Variants in SRPK1 observed in about 807,000 individuals in gnomAD.
SRPK1 encodes the protein SFRS protein kinase 1.
SRPK1 carries 52 observed loss-of-function variants against 89.5 expected under a neutral mutation model. The ratio of observed to expected loss-of-function variants is 0.58; its 90% confidence interval spans 0.46 to 0.73. SRPK1 has a LOEUF of 0.73. Among genes scored for constraint, SRPK1 ranks in the 30% least tolerant of loss-of-function variants. The probability of loss-of-function intolerance (pLI) is 0.00; values close to 1 mark genes in which losing one functional copy is unlikely to be tolerated. For missense variants in SRPK1, 603 were observed against 780.6 expected, an observed-to-expected ratio of 0.77 and a Z score of 2.71; for synonymous variants, 255 against 270.2, an observed-to-expected ratio of 0.94 and a Z score of 0.55.
At chr6:35,899,721 G>A (rs1303525051) in intron 2 of SRPK1, among the ~76,000 whole-genome samples, 4 of 152,140 alleles carry the variant, frequency 2.6e-5, no homozygotes, top group African/African-American at 4.8e-5. Flanking sequence ...TTCCTTTGGG[G>A]CCGGGCACGG....
chr6:35,867,480 T>C (rs2127243106), intron 12 of SRPK1, among the ~76,000 whole-genome samples: 2 of 152,330 alleles, frequency 1.3e-5, no homozygotes, highest in South Asian at 4.1e-4. Context: ...CTGTCATTTA[T>C]GTGTGAATCA....
chr6:35,869,217 T>C, intron 11 of SRPK1, 107 bp from the exon 12 acceptor site: 2 of 989,140 alleles, frequency 2.0e-6, no homozygotes, highest in Non-Finnish European at 3.0e-6. Context: ...AATACCCAAG[T>C]GACAACTTAC....
chr6:35,890,747 T>C lies in SRPK1; in HGVS notation c.193+148A>G, dbSNP rs1023008697. ...TAGGCTTTGATAAATTAAGTCAGAC[T>C]AAGAACAAATACTATTTCCTATGTT... On this transcript the variant is annotated intron_variant, in intron 3 of 15. Coordinates refer to ENST00000373825, the MANE Select transcript of SRPK1 (RefSeq NM_003137.5). 9.7e-6 allele frequency: 6 copies of C among 621,614 alleles called. 1 individual carries two copies. The Admixed American group carries it at 2.5e-4, about 26-fold the overall frequency. 38.5% of individuals were successfully genotyped at this position (621,614 alleles called of 1,614,324 possible). A position where few individuals can be genotyped will look rare whatever the true frequency, so the allele number is the denominator to read the frequency against.
intron 2 of SRPK1, among the ~76,000 whole-genome samples, chr6:35,898,859 A>C (rs1770681610): frequency 6.6e-6 from 1 of 152,102 alleles, no homozygotes; most frequent in Non-Finnish European, 1.5e-5. Flanking sequence ...CAAAACAAAA[A>C]TGTCAACAAA....
At chr6:35,906,662 G>A (rs1446028197) in intron 2 of SRPK1, among the ~76,000 whole-genome samples, 4 of 152,228 alleles carry the variant, frequency 2.6e-5, no homozygotes, top group Non-Finnish European at 4.4e-5. Context: ...GTGAGGCAGT[G>A]TCGGGAGTCA....
At chr6:35,894,365 A>G (rs368839363) in intron 2 of SRPK1, among the ~76,000 whole-genome samples, 160 of 152,286 alleles carry the variant, frequency 1.1e-3, no homozygotes, top group African/African-American at 3.6e-3. Flanking sequence ...TGTAGGGGGG[A>G]AAAATGCCCA....
chr6:35,859,918 G>A lies in SRPK1; in HGVS notation c.1513-2550C>T, dbSNP rs779568134. On this transcript the variant is annotated intron_variant, in intron 12 of 15. Transcript: ENST00000373825. ...CTGTCACCCAGGCTGGAGTGCAGTG[G>A]TGCGATCTTGGCTCACTGCAAGCTC... Among the ~76,000 whole-genome samples the A allele has an allele frequency of 5.3e-4, 81 of 151,852 alleles. 1 individual carries two copies. Among genetic ancestry groups the A allele is most frequent in the Non-Finnish European group, 8.4e-4 (57 of 67,922 alleles).
intron 2 of SRPK1, among the ~76,000 whole-genome samples, chr6:35,891,443 T>C (rs1230207836): frequency 1.3e-5 from 2 of 152,150 alleles, no homozygotes; most frequent in Non-Finnish European, 2.9e-5. Context: ...AGGCCAGGCA[T>C]GGATGGTGGC....
intron 2 of SRPK1, among the ~76,000 whole-genome samples, chr6:35,918,786 A>G (rs1771167531): frequency 6.6e-6 from 1 of 152,230 alleles, no homozygotes; most frequent in Non-Finnish European, 1.5e-5. Flanking sequence ...TTAGAAATAA[A>G]GCATATGGTC....
chr6:35,878,052 G>C (rs1053298601), intron 6 of SRPK1, among the ~76,000 whole-genome samples: 4 of 152,274 alleles, frequency 2.6e-5, no homozygotes, highest in Admixed American at 2.0e-4. Flanking sequence ...ACAAAAGCAA[G>C]CTTTGGGGGC....
At chr6:35,887,790 T>G (rs1000940584) in intron 5 of SRPK1, 2 of 319,868 alleles carry the variant, frequency 6.3e-6, no homozygotes, top group Non-Finnish European at 1.1e-5. Context: ...ATTTGAAAGG[T>G]TTTTTTTTGG....
intron 13 of SRPK1, among the ~76,000 whole-genome samples, chr6:35,843,333 T>TA (rs1561966582): frequency 9.4e-5 from 13 of 138,518 alleles, no homozygotes; most frequent in African/African-American, 3.2e-4. Context: ...ACAAAAAAAA[T>TA]CAAAAAAAAA....
At position 35,846,263 on chromosome 6, in the gene SRPK1, G is replaced by GA. The variant is rs11333285; in HGVS notation, c.1621-3660dup. 1.9e-3 allele frequency among the ~76,000 whole-genome samples: 277 copies of GA among 142,996 alleles called. 1 individual carries two copies. The highest frequency in any genetic ancestry group is 3.3e-3 in the Non-Finnish European group (212 of 65,016). 93.8% of individuals were successfully genotyped at this position (142,996 alleles called of 152,430 possible). ...AATACAGTGAGATCCCATCTCTTAAGAAAAAAAAAAAATCTAAAGATATGT... is the reference window on the plus strand; with the variant it reads ...AATACAGTGAGATCCCATCTCTTAAGAAAAAAAAAAAAATCTAAAGATATGT... On this transcript the variant is annotated intron_variant, in intron 13 of 15. Coordinates refer to ENST00000373825, the MANE Select transcript of SRPK1 (RefSeq NM_003137.5).
At position 35,879,399 on chromosome 6, in the gene SRPK1, A is replaced by G. The variant is rs542486164; in HGVS notation, c.479-5060T>C. ...CCATCTCCACAAAAAATAAAAAATTAGCTGGGTGTGGTGGCATGCAACTGT... is the reference window on the plus strand; with the variant it reads ...CCATCTCCACAAAAAATAAAAAATTGGCTGGGTGTGGTGGCATGCAACTGT... On this transcript the variant is annotated intron_variant, in intron 6 of 15. Coordinates refer to ENST00000373825, the MANE Select transcript of SRPK1 (RefSeq NM_003137.5). 4.6e-5 allele frequency among the ~76,000 whole-genome samples: 7 copies of G among 152,186 alleles called. No homozygotes were observed. The East Asian group carries it at 1.4e-3, about 29-fold the overall frequency.
At chr6:35,850,522 AC>A (rs1281618390) in intron 13 of SRPK1, among the ~76,000 whole-genome samples, 2 of 152,214 alleles carry the variant, frequency 1.3e-5, no homozygotes, top group African/African-American at 4.8e-5. Context: ...TTTTGTTGTT[AC>A]TAAATACATT....
intron 3 of SRPK1, 69 bp downstream of exon 3, chr6:35,890,826 T>G: frequency 7.2e-7 from 1 of 1,389,278 alleles, no homozygotes; most frequent in South Asian, 1.5e-5. Flanking sequence ...TGCTGATAGA[T>G]CAAACATCCA....
At chr6:35,872,439 AAT>A (rs1770053262) in intron 8 of SRPK1, 122 bp downstream of exon 8, 1 of 890,144 alleles carries the variant, frequency 1.1e-6, no homozygotes, top group Admixed American at 3.8e-5. Context: ...GGAAGCTGAT[AAT>A]GTTTCTTAAA....
intron 2 of SRPK1, among the ~76,000 whole-genome samples, chr6:35,893,300 CATG>C (rs1417384675): frequency 1.3e-5 from 2 of 152,140 alleles, no homozygotes; most frequent in East Asian, 3.8e-4. Context: ...GCCTGGGAAA[CATG>C]GTGAAACCTC....
intron 6 of SRPK1, among the ~76,000 whole-genome samples, chr6:35,880,743 A>AG (rs1247250687): frequency 4.6e-5 from 4 of 86,564 alleles, no homozygotes; most frequent in South Asian, 4.7e-4. Context: ...AAGAAAAAAA[A>AG]AAAAAAAGAA....
Sources: allele counts gnomAD v4.1 joint callset (sites outside exome capture counted in the v4.1 genomes callset), GRCh38; gene constraint gnomAD v4.1.1; transcripts MANE v1.5; gene names NCBI Gene and HGNC (gene_info 2026-07-23, HGNC 2026-07-21).